The following CALU variants were observed in gnomAD, a reference collection of about 807,000 sequenced individuals.
CALU encodes calumenin.
Under a neutral mutation model 37.5 loss-of-function variants are expected in CALU, and 13 were observed. The observed-to-expected ratio is 0.35, with a 90% confidence interval of 0.23 to 0.55. The LOEUF (loss-of-function observed/expected upper bound fraction) is 0.55. CALU is among the 20% of genes least tolerant of loss of function. The probability of loss-of-function intolerance (pLI) is 0.89; values close to 1 mark genes in which losing one functional copy is unlikely to be tolerated. For missense variants in CALU, 282 were observed against 391.7 expected, an observed-to-expected ratio of 0.72 and a Z score of 2.36; for synonymous variants, 114 against 133.8, an observed-to-expected ratio of 0.85 and a Z score of 1.02.
rs142806198 is a variant in CALU at position 128,748,691 on chromosome 7, C to T, written c.108C>T (p.Asp36=). ...TACATCATGAGCCTCAGCTCAGTGACAAGGTTCACAATGATGCTCAGAGTT... is the reference window on the plus strand; with the variant it reads ...TACATCATGAGCCTCAGCTCAGTGATAAGGTTCACAATGATGCTCAGAGTT... ...DRVHHEPQLS[D]KVHNDAQSFD... Residue 36 remains aspartate, a synonymous_variant, in exon 2 of 7, where the codon GAC becomes GAT. Transcript: ENST00000249364. 5 of 1,614,036 alleles carry T rather than the reference C, an allele frequency of 3.1e-6. No individual in the cohort carries two copies. The African/African-American group carries it at 5.3e-5, about 17-fold the overall frequency.
intron 2 of CALU, among the ~76,000 whole-genome samples, chr7:128,753,454 G>C (rs1367801913): frequency 6.6e-6 from 1 of 152,316 alleles, no homozygotes; most frequent in African/African-American, 2.4e-5. Context: ...CTGGAAGAAA[G>C]ACACTTATAA....
At chr7:128,744,130 C>T (rs1169373745) in intron 1 of CALU, among the ~76,000 whole-genome samples, 1 of 152,114 alleles carries the variant, frequency 6.6e-6, no homozygotes, top group Non-Finnish European at 1.5e-5. Context: ...CACTTGAACC[C>T]AGGAGGTGGA....
intron 5 of CALU, among the ~76,000 whole-genome samples, chr7:128,763,297 G>T (rs1270477049): frequency 6.6e-6 from 1 of 152,118 alleles, no homozygotes; most frequent in Non-Finnish European, 1.5e-5. Flanking sequence ...TTGGGAGGCT[G>T]AGGTGGGCGG....
rs575644561 is a variant in CALU, at chr7:128,769,262, A to G, written c.*95A>G. ...TTGCGCTACTGAGACTGTTACTACA[A>G]ACTTTTTAAGACATGAAAAGGCGTA... is the stretch of plus-strand genomic sequence containing the variant. On this transcript the variant is annotated 3_prime_UTR_variant, in exon 7 of 7. Coordinates refer to ENST00000249364, the MANE Select transcript of CALU (RefSeq NM_001219.5). The G allele has an allele frequency of 1.8e-5, 12 of 658,274 alleles. No individual in the cohort carries two copies. The highest frequency in any genetic ancestry group is 9.5e-5 in the South Asian group (5 of 52,508). The allele number at this position is 658,274 out of a possible 1,614,324, so 40.8% of individuals were successfully genotyped here.
intron 5 of CALU, 46 bp downstream of exon 5, chr7:128,759,898 T>TTTC: frequency 1.0e-6 from 1 of 997,750 alleles, no homozygotes. Context: ...CTGAGAAGCT[T>TTTC]TGAAAGGTGT....
chr7:128,755,087 C>T (rs534381231), intron 3 of CALU, among the ~76,000 whole-genome samples: 1 of 150,900 alleles, frequency 6.6e-6, no homozygotes, highest in South Asian at 2.1e-4. Flanking sequence ...GGAGGATTGC[C>T]TGGGCCCAGG....
chr7:128,762,898 C>T (rs964885970), intron 5 of CALU, among the ~76,000 whole-genome samples: 6 of 152,070 alleles, frequency 3.9e-5, no homozygotes, highest in African/African-American at 1.4e-4. Context: ...AACTCCTGGC[C>T]TCAAGTGATC....
chr7:128,761,087 A>G (rs1801097040), intron 5 of CALU, among the ~76,000 whole-genome samples: 1 of 151,994 alleles, frequency 6.6e-6, no homozygotes, highest in South Asian at 2.1e-4. Context: ...TTCTCTGACT[A>G]CTTTCCTTTT....
chr7:128,749,853 T>C (rs1232029482), intron 2 of CALU, among the ~76,000 whole-genome samples: 2 of 152,266 alleles, frequency 1.3e-5, no homozygotes, highest in East Asian at 3.9e-4. Flanking sequence ...GAGTTAGTTT[T>C]CTATTAGGTT....
intron 5 of CALU, among the ~76,000 whole-genome samples, chr7:128,764,310 G>C (rs753329667): frequency 2.0e-5 from 3 of 152,008 alleles, no homozygotes; most frequent in Non-Finnish European, 4.4e-5. Context: ...ATGGTGGCGT[G>C]TGCCTGTAGT....
chr7:128,768,385 T>C (rs920998900), intron 6 of CALU, among the ~76,000 whole-genome samples: 3 of 152,190 alleles, frequency 2.0e-5, no homozygotes, highest in South Asian at 2.1e-4. Flanking sequence ...CTGAGATGTA[T>C]GAGAAAAGGA....
At chr7:128,748,500 G>A in intron 1 of CALU, 73 bp from the exon 2 acceptor site, 1 of 1,275,530 alleles carries the variant, frequency 7.8e-7, no homozygotes, top group African/African-American at 1.5e-5. Flanking sequence ...TAACTCGGAT[G>A]TGAGCTTTTA....
At chr7:128,762,817 CCA>C (rs955900314) in intron 5 of CALU, among the ~76,000 whole-genome samples, 3 of 152,018 alleles carry the variant, frequency 2.0e-5, no homozygotes, top group Non-Finnish European at 4.4e-5. Context: ...CAGGCATGCA[CCA>C]CCACACCTGG....
chr7:128,748,970 G>A (rs1271228069), intron 2 of CALU, among the ~76,000 whole-genome samples, 166 bp downstream of exon 2: 2 of 152,222 alleles, frequency 1.3e-5, no homozygotes, highest in Non-Finnish European at 2.9e-5. Flanking sequence ...TTAAATGCCT[G>A]ATTTCATACA....
At chr7:128,764,906 G>T (rs928977899) in intron 5 of CALU, among the ~76,000 whole-genome samples, 1 of 151,940 alleles carries the variant, frequency 6.6e-6, no homozygotes, top group Non-Finnish European at 1.5e-5. Context: ...CATTTTACAC[G>T]CATCCTGTTT....
At chr7:128,767,725 T>A in intron 6 of CALU, 70 bp downstream of exon 6, 4 of 1,287,034 alleles carry the variant, frequency 3.1e-6, no homozygotes, top group Non-Finnish European at 4.5e-6. Flanking sequence ...CCTGAACAGT[T>A]TCTGTTAAGG....
chr7:128,769,016 A>T, intron 6 of CALU, 47 bp from the exon 7 acceptor site: 2 of 1,097,014 alleles, frequency 1.8e-6, no homozygotes, highest in Non-Finnish European at 2.8e-6. Context: ...CTGAATTTTT[A>T]ATGGGAAATA....
At chr7:128,763,889 C>A (rs962902904) in intron 5 of CALU, among the ~76,000 whole-genome samples, 1 of 152,188 alleles carries the variant, frequency 6.6e-6, no homozygotes, top group African/African-American at 2.4e-5. Context: ...AGGAAAATGG[C>A]AGCACTGACT....
chr7:128,741,244 G>A (rs1362427791), intron 1 of CALU, among the ~76,000 whole-genome samples: 1 of 152,216 alleles, frequency 6.6e-6, no homozygotes, highest in Non-Finnish European at 1.5e-5. Context: ...CCTGTTCCTG[G>A]CTGATTGCCA....
Sources: gnomAD v4.1 joint callset for allele counts (sites outside exome capture counted in the v4.1 genomes callset) on GRCh38, gnomAD v4.1.1 for gene constraint, MANE v1.5 for transcripts, NCBI Gene and HGNC (gene_info 2026-07-23, HGNC 2026-07-21) for gene names.